The following RASAL2 variants were observed in gnomAD, a reference collection of about 807,000 sequenced individuals.
RASAL2 encodes the protein ras GTPase-activating protein nGAP.
A neutral mutation model predicts 128.9 loss-of-function variants in RASAL2; 58 were observed. The ratio of observed to expected loss-of-function variants is 0.45; its 90% CI spans 0.36 to 0.56. The LOEUF (loss-of-function observed/expected upper bound fraction) is 0.56. Among genes scored for constraint, RASAL2 ranks in the 20% least tolerant of loss-of-function variants. The pLI, the probability that RASAL2 is intolerant of heterozygous loss-of-function variation, is 0.00. For synonymous variants in RASAL2, 561 were observed against 580.8 expected (o/e 0.97, Z 0.49); for missense variants, 1,360 against 1,601.6 (o/e 0.85, Z 2.57).
chr1:178,371,322 CCACACACA>C (rs370972772), intron 3 of RASAL2, among the ~76,000 whole-genome samples: 1 of 124,372 alleles, frequency 8.0e-6, no homozygotes, highest in African/African-American at 2.8e-5. Flanking sequence ...GCCTTCTTTC[CCACACACA>C]CACACACACA....
chr1:178,403,458 A>G (rs1673778527), intron 4 of RASAL2, among the ~76,000 whole-genome samples: 1 of 152,206 alleles, frequency 6.6e-6, no homozygotes, highest in Non-Finnish European at 1.5e-5. Flanking sequence ...GGAATATAAA[A>G]TAGGAACAGA....
At chr1:178,404,274 GA>G (rs1301336625) in intron 4 of RASAL2, among the ~76,000 whole-genome samples, 2 of 151,548 alleles carry the variant, frequency 1.3e-5, no homozygotes, top group African/African-American at 4.9e-5. Flanking sequence ...GACCCAATAG[GA>G]AAACTGAAGA....
chr1:178,313,014 TAGCTAGAC>T (rs1249707813), intron 3 of RASAL2, among the ~76,000 whole-genome samples: 1 of 152,158 alleles, frequency 6.6e-6, no homozygotes, highest in Admixed American at 6.6e-5. Flanking sequence ...CTTGCCTAAA[TAGCTAGAC>T]AGCCATTAAG....
intron 1 of RASAL2, among the ~76,000 whole-genome samples, chr1:178,155,727 A>G (rs1328280877): frequency 2.0e-5 from 3 of 151,814 alleles, no homozygotes; most frequent in African/African-American, 7.2e-5. Context: ...AGCCCCCATG[A>G]ATGACTTTAC....
intron 1 of RASAL2, among the ~76,000 whole-genome samples, chr1:178,222,178 G>A (rs114269465): frequency 0.047 from 7,215 of 152,084 alleles, 261 homozygotes; most frequent in Non-Finnish European, 0.073. Flanking sequence ...GTTTTGTTTT[G>A]TGATTTATTC....
chr1:178,335,190 C>A (rs1046155848), intron 3 of RASAL2, among the ~76,000 whole-genome samples: 2 of 151,262 alleles, frequency 1.3e-5, no homozygotes, highest in Admixed American at 1.3e-4. Flanking sequence ...AATTTATTTT[C>A]TTTTAAAAAA....
chr1:178,203,687 T>C (rs1662947188), intron 1 of RASAL2, among the ~76,000 whole-genome samples: 1 of 152,216 alleles, frequency 6.6e-6, no homozygotes, highest in African/African-American at 2.4e-5. Context: ...ACCTGGACAC[T>C]TTGGGCTCCT....
intron 3 of RASAL2, among the ~76,000 whole-genome samples, chr1:178,355,578 G>A (rs2102456691): frequency 6.6e-6 from 1 of 152,224 alleles, no homozygotes; most frequent in South Asian, 2.1e-4. Context: ...GGATAAAGAA[G>A]TAATTATTAA....
chr1:178,318,266 T>G (rs1668582293), intron 3 of RASAL2, among the ~76,000 whole-genome samples: 2 of 147,758 alleles, frequency 1.4e-5, no homozygotes, highest in South Asian at 2.2e-4. Context: ...AAATGTATAT[T>G]CTGTTGATTT....
chr1:178,176,305 C>T (rs1055724139), intron 1 of RASAL2, among the ~76,000 whole-genome samples: 1 of 152,034 alleles, frequency 6.6e-6, no homozygotes, highest in African/African-American at 2.4e-5. Context: ...TTTTAAATTG[C>T]ATTTCCCTGA....
chr1:178,326,736 G>T (rs1011668885), intron 3 of RASAL2, among the ~76,000 whole-genome samples: 2 of 152,008 alleles, frequency 1.3e-5, no homozygotes, highest in South Asian at 4.1e-4. Context: ...TAGAGATGGG[G>T]TTTCTCCATG....
At chr1:178,429,741 G>A (rs1675761715) in intron 5 of RASAL2, among the ~76,000 whole-genome samples, 1 of 152,006 alleles carries the variant, frequency 6.6e-6, no homozygotes, top group African/African-American at 2.4e-5. Flanking sequence ...CTTCTTTATA[G>A]TATTATACTT....
chr1:178,289,281 G>A (rs886364758), intron 2 of RASAL2, among the ~76,000 whole-genome samples: 26 of 152,148 alleles, frequency 1.7e-4, no homozygotes, highest in Admixed American at 1.1e-3. Flanking sequence ...CCATGACACT[G>A]TGTTCTTTTT....
intron 1 of RASAL2, among the ~76,000 whole-genome samples, chr1:178,199,519 A>G (rs551573950): frequency 6.6e-6 from 1 of 152,364 alleles, no homozygotes; most frequent in African/African-American, 2.4e-5. Flanking sequence ...CATAAAACCA[A>G]AAAATTGGAG....
chr1:178,418,062 G>A (rs1242445948), intron 4 of RASAL2, among the ~76,000 whole-genome samples: 1 of 151,964 alleles, frequency 6.6e-6, no homozygotes, highest in African/African-American at 2.4e-5. Context: ...TAATGACTGT[G>A]ACTAATGACA....
chr1:178,419,698 A>T (rs895932533), intron 4 of RASAL2, among the ~76,000 whole-genome samples: 1 of 152,142 alleles, frequency 6.6e-6, no homozygotes, highest in African/African-American at 2.4e-5. Context: ...TCTTTTATTC[A>T]ACAAACTTTT....
intron 1 of RASAL2, among the ~76,000 whole-genome samples, chr1:178,103,642 A>G (rs889718085): frequency 5.3e-5 from 8 of 152,106 alleles, no homozygotes; most frequent in African/African-American, 1.9e-4. Context: ...TCATTTAAAT[A>G]TAACCTTTTC....
intron 5 of RASAL2, among the ~76,000 whole-genome samples, chr1:178,427,233 CACTTAAA>C (rs1219107087): frequency 6.6e-6 from 1 of 152,136 alleles, no homozygotes; most frequent in Non-Finnish European, 1.5e-5. Context: ...CATTCAAATG[CACTTAAA>C]ACTAGGAAAT....
At position 178,218,579 on chromosome 1, in the gene RASAL2, C is replaced by T. The variant is rs573900127; in HGVS notation, c.203-64985C>T. On this transcript the variant is annotated intron_variant, in intron 1 of 17. Transcript: ENST00000367649. The stretch of plus-strand genomic sequence containing the variant: ...GCATACTCCTGTAATCCCAGCTACT[C>T]GAGAGGCTGAGGCAGGAGAATTGCA... Among the ~76,000 whole-genome samples, 5 of 152,086 alleles carry T rather than the reference C, an allele frequency of 3.3e-5. 1 individual carries two copies. The South Asian group carries it at 8.3e-4, about 25-fold the overall frequency.
Sources: allele counts gnomAD v4.1 joint callset (sites outside exome capture counted in the v4.1 genomes callset), GRCh38; gene constraint gnomAD v4.1.1; transcripts MANE v1.5; gene names NCBI Gene and HGNC (gene_info 2026-07-23, HGNC 2026-07-21).